ADAM8: variants seen among roughly 807,000 people sequenced by gnomAD.
ADAM8 encodes ADAM metallopeptidase domain 8, also known as disintegrin and metalloproteinase domain-containing protein 8.
In ADAM8, 104 loss-of-function variants were observed where a neutral mutation model predicts 102.4. That is an observed-to-expected ratio of 1.02 (90% CI 0.87 to 1.20). The LOEUF is 1.20. ADAM8 is among the 50% of genes most tolerant of loss of function. The pLI is 0.00. For synonymous variants in ADAM8, 517 were observed against 485.2 expected, an observed-to-expected ratio of 1.07 and a Z score of -0.86; for missense variants, 1,132 against 1,159.0, an observed-to-expected ratio of 0.98 and a Z score of 0.34.
rs1293455852 is a variant in ADAM8, at chr10:133,273,451, G to T, written c.384-8C>A. ...CCCACCTGGAAGAAACCCCTGAGGGGAGTGGGAGCCGGGTGTGCTGTGGGC... is the reference window on the plus strand; with the variant it reads ...CCCACCTGGAAGAAACCCCTGAGGGTAGTGGGAGCCGGGTGTGCTGTGGGC... On this transcript the variant is annotated splice_region_variant and splice_polypyrimidine_tract_variant and intron_variant, in intron 5 of 22. Transcript: ENST00000445355. The T allele has an allele frequency of 2.0e-6, 3 of 1,530,508 alleles. No homozygotes were observed. Among genetic ancestry groups the T allele is most frequent in the Admixed American group, 4.0e-5 (2 of 49,618 alleles). The allele number at this position is 1,530,508 out of a possible 1,614,324, so 94.8% of individuals were successfully genotyped here.
At chr10:133,274,087 A>G (rs1554931621) in intron 3 of ADAM8, 58 bp from the exon 4 acceptor site, 2 of 1,588,856 alleles carry the variant, frequency 1.3e-6, no homozygotes, top group Non-Finnish European at 1.7e-6. Flanking sequence ...GCTGGCCCAG[A>G]GGCTGGACGC....
At chr10:133,263,580 A>T in intron 22 of ADAM8, 108 bp downstream of exon 22, 1 of 115,816 alleles carries the variant, frequency 8.6e-6, no homozygotes, top group Non-Finnish European at 1.2e-5. Context: ...ATCCACAGAT[A>T]ATCAGAAAAA....
intron 12 of ADAM8, 28 bp from the exon 13 acceptor site, chr10:133,271,317 G>T (rs764019694): frequency 6.2e-7 from 1 of 1,600,228 alleles, no homozygotes. Flanking sequence ...GCCTTGGCAG[G>T]CTGCACTGGG....
chr10:133,272,709 C>A (rs1039770878), intron 8 of ADAM8, 89 bp downstream of exon 8: 9 of 1,532,228 alleles, frequency 5.9e-6, no homozygotes, highest in Middle Eastern at 2.4e-4. Context: ...CGGGGCAGAG[C>A]TGGAGCAGGT....
At chr10:133,275,704 A>C (rs1846727735) in intron 1 of ADAM8, 117 bp from the exon 2 acceptor site, 1 of 574,404 alleles carries the variant, frequency 1.7e-6, no homozygotes, top group Admixed American at 4.0e-5. Context: ...TGGGGAACTC[A>C]CCAGATAGCT....
At chr10:133,271,351 C>T (rs1042650574) in intron 12 of ADAM8, 62 bp from the exon 13 acceptor site, 15 of 1,553,648 alleles carry the variant, frequency 9.7e-6, no homozygotes, top group Non-Finnish European at 1.3e-5. Flanking sequence ...CCAGGGCGGA[C>T]CTGGCCGCCT....
rs764957222 is a variant in ADAM8 at position 133,273,989 on chromosome 10, C to T, written c.268G>A (p.Ala90Thr). The change falls in exon 4 of 23, where the codon GCC becomes ACC. Residue 90 changes from alanine to threonine, a missense_variant. By Grantham distance (58) the Ala-to-Thr change is moderately conservative (BLOSUM62 0). Transcript: ENST00000445355. ...GSGYTETYTAANGSEVTEQPR... is the reference protein window; with the variant it reads ...GSGYTETYTATNGSEVTEQPR... ...TGCTCCGTCACCTCGGAGCCATTGG[C>T]AGCCGTATAGGTCTCTGTGTAGCCG... is the stretch of plus-strand genomic sequence containing the variant. The T allele has an allele frequency of 1.2e-6, 2 of 1,607,582 alleles. No individual in the cohort carries two copies. Among genetic ancestry groups the T allele is most frequent in the Non-Finnish European group, 1.7e-6 (2 of 1,178,600 alleles).
chr10:133,267,798 C>T, intron 20 of ADAM8, 131 bp downstream of exon 20: 2 of 1,001,732 alleles, frequency 2.0e-6, no homozygotes, highest in Non-Finnish European at 2.7e-6. Flanking sequence ...TGCTCTGGGC[C>T]TCGGGGCCAC....
chr10:133,268,759 G>A lies in ADAM8; in HGVS notation c.2052C>T (p.Arg684=). The change falls in exon 19 of 23, where the codon CGC becomes CGT. Residue 684 remains arginine, a synonymous_variant. Coordinates refer to ENST00000445355, the MANE Select transcript of ADAM8 (RefSeq NM_001109.5). ...CCCACCACCCTCACCTGCTCAGGAT[G>A]CGGCTCCGGGCTTTGCGGTAGACGA... ...GIIVYRKARS[R]ILSRNVAPKT... 4 of 1,610,246 alleles carry A rather than the reference G, an allele frequency of 2.5e-6. No homozygotes were observed. Among genetic ancestry groups the A allele is most frequent in the Non-Finnish European group, 3.4e-6 (4 of 1,179,694 alleles).
At chr10:133,267,629 G>A (rs538324092) in intron 20 of ADAM8, among the ~76,000 whole-genome samples, 17 of 152,310 alleles carry the variant, frequency 1.1e-4, no homozygotes, top group African/African-American at 3.4e-4. Flanking sequence ...TTTGTGTCTC[G>A]ACACTGTCCT....
rs568162262 is a variant in ADAM8 at position 133,271,533 on chromosome 10, G to C, written c.1279C>G (p.Pro427Ala). The C allele has an allele frequency of 1.7e-5, 26 of 1,554,246 alleles. No individual in the cohort carries two copies. The highest frequency in any genetic ancestry group is 3.6e-5 in the South Asian group (3 of 84,428). Residue 427 changes from proline (P) to alanine (A), a missense_variant, in exon 12 of 23, where the codon CCC (proline) becomes GCC (alanine). Pro to Ala is a conservative substitution (Grantham distance 27). Transcript: ENST00000445355. ...ERGEQCDCGP[P>A]EDCRNRCCNS... ...GGTATGGGGCATGGACGCACCTCGG[G>C]GGGGCCGCAGTCGCACTGCTCCCCA...
At chr10:133,268,169 G>C (rs997417459) in intron 19 of ADAM8, 51 bp from the exon 20 acceptor site, 29 of 1,240,382 alleles carry the variant, frequency 2.3e-5, no homozygotes, top group South Asian at 4.0e-5. Flanking sequence ...TGGGGCCCCA[G>C]CACCACACCC....
Position 133,273,453 on chromosome 10 carries a change from G to A in ADAM8, c.384-10C>T, listed in dbSNP as rs369547390. ...CACCTGGAAGAAACCCCTGAGGGGAGTGGGAGCCGGGTGTGCTGTGGGCTT... is the reference window on the plus strand; with the variant it reads ...CACCTGGAAGAAACCCCTGAGGGGAATGGGAGCCGGGTGTGCTGTGGGCTT... On this transcript the variant is annotated splice_polypyrimidine_tract_variant and intron_variant, in intron 5 of 22. Transcript: ENST00000445355. 6.5e-7 allele frequency: 1 copy of A among 1,528,870 alleles called. No homozygotes were observed. Among genetic ancestry groups the A allele is most frequent in the Non-Finnish European group, 8.8e-7 (1 of 1,132,280 alleles). The allele number at this position is 1,528,870 out of a possible 1,614,324, so 94.7% of individuals were successfully genotyped here.
intron 15 of ADAM8, 21 bp downstream of exon 15, chr10:133,270,715 C>T (rs1296980439): frequency 2.0e-6 from 3 of 1,499,626 alleles, no homozygotes; most frequent in Non-Finnish European, 2.7e-6. Context: ...ATGTCCTGGG[C>T]CCAGGGCGGT....
intron 1 of ADAM8, 81 bp from the exon 2 acceptor site, chr10:133,275,668 G>A: frequency 1.4e-6 from 1 of 730,130 alleles, no homozygotes; most frequent in East Asian, 3.3e-5. Context: ...CTCAGATTCT[G>A]TCTCTTGCTG....
rs560092682 is a variant in ADAM8, at chr10:133,268,875, C to T, written c.1949-13G>A. 1.9e-5 allele frequency: 30 copies of T among 1,601,934 alleles called. No individual in the cohort carries two copies. Among genetic ancestry groups the T allele is most frequent in the South Asian group, 4.4e-5 (4 of 90,698 alleles). On this transcript the variant is annotated splice_polypyrimidine_tract_variant and intron_variant, in intron 18 of 22. Coordinates refer to ENST00000445355, the MANE Select transcript of ADAM8 (RefSeq NM_001109.5). ...AGGCTCCCGGACGCTGTGGGACACA[C>T]GGCCCCACATCAGGCAGGCAGGCCG...
intron 4 of ADAM8, 37 bp from the exon 5 acceptor site, chr10:133,273,875 C>T (rs1036893967): frequency 2.5e-5 from 38 of 1,549,522 alleles, no homozygotes; most frequent in Non-Finnish European, 3.2e-5. Flanking sequence ...ACAGGCTGTG[C>T]CCCCATGGCC....
In ADAM8 at chr10:133,271,672, G is replaced by A; in HGVS notation, c.1140C>T (p.Ser380=). The change falls in exon 12 of 23, where the codon AGC becomes AGT. Residue 380 remains serine, a synonymous_variant. Coordinates refer to ENST00000445355, the MANE Select transcript of ADAM8 (RefSeq NM_001109.5). ...SSFPRMFSDC[S]QAYLESFLER... is the part of the protein sequence containing the mutation. ...CCAAAAAGCTCTCCAGGTAGGCCTG[G>A]CTGCAGTCACTGAACATCCTGGGGA... The A allele has an allele frequency of 6.4e-7, 1 of 1,568,944 alleles. No individual in the cohort carries two copies. Among genetic ancestry groups the A allele is most frequent in the South Asian group, 1.1e-5 (1 of 87,256 alleles).
chr10:133,263,718 C>T lies in ADAM8; in HGVS notation c.2367G>A (p.Gly789=). ...CTGGACCAGGGTTGGCCGCACCAGCCCCGGGTTTGACTGGGGGCACTGGGG... is the reference window on the plus strand; with the variant it reads ...CTGGACCAGGGTTGGCCGCACCAGCTCCGGGTTTGACTGGGGGCACTGGGG... ...FAPPVPPVKP[G]AGAANPGPAE... The change falls in exon 22 of 23, where the codon GGG becomes GGA. Residue 789 remains glycine, a synonymous_variant. Transcript: ENST00000445355. The T allele has an allele frequency of 6.4e-7, 1 of 1,571,000 alleles. No individual in the cohort carries two copies. The highest frequency in any genetic ancestry group is 8.6e-7 in the Non-Finnish European group (1 of 1,158,362).
Sources: allele counts gnomAD v4.1 joint callset (sites outside exome capture counted in the v4.1 genomes callset), GRCh38; gene constraint gnomAD v4.1.1; transcripts MANE v1.5; gene names NCBI Gene and HGNC (gene_info 2026-07-23, HGNC 2026-07-21).